The following VRK2 variants were observed in gnomAD, a reference collection of about 807,000 sequenced individuals.
The protein encoded by VRK2 is serine/threonine-protein kinase VRK2.
In VRK2, 60 loss-of-function variants were observed where a neutral mutation model predicts 57.6. That is an observed-to-expected ratio of 1.04 (90% CI 0.85 to 1.29). The LOEUF is 1.29. Ranked by LOEUF, VRK2 falls within the 50% of genes most tolerant of loss-of-function variation. The pLI is 0.00. For synonymous variants in VRK2, 231 were observed against 199.2 expected (o/e 1.16, Z -1.35); for missense variants, 705 against 588.1 (o/e 1.20, Z -2.06).
Position 58,086,441 on chromosome 2 carries a change from T to C in VRK2, c.344+15T>C. On this transcript the variant is annotated intron_variant, in intron 5 of 12. Coordinates refer to ENST00000340157, the MANE Select transcript of VRK2 (RefSeq NM_006296.7). ...AAGGGAAGAAGGTAAAATGGAATTATTATAATCAAATATTTCTTTATAACT... is the reference window on the plus strand; with the variant it reads ...AAGGGAAGAAGGTAAAATGGAATTACTATAATCAAATATTTCTTTATAACT... The C allele has an allele frequency of 6.4e-7, 1 of 1,561,212 alleles. No homozygotes were observed. Among genetic ancestry groups the C allele is most frequent in the Non-Finnish European group, 8.6e-7 (1 of 1,156,272 alleles).
chr2:58,155,587 A>G (rs1162791056), intron 12 of VRK2, among the ~76,000 whole-genome samples: 3 of 152,096 alleles, frequency 2.0e-5, no homozygotes, highest in Non-Finnish European at 2.9e-5. Flanking sequence ...CCAGTGGGAT[A>G]GGGTATCACC....
intron 1 of VRK2, among the ~76,000 whole-genome samples, chr2:57,928,925 T>C (rs925281115): frequency 5.3e-5 from 8 of 152,218 alleles, no homozygotes; most frequent in African/African-American, 1.9e-4. Context: ...TCTTTCTCCA[T>C]GTTAAGCTTC....
intron 1 of VRK2, among the ~76,000 whole-genome samples, chr2:57,944,197 T>G (rs1213768712): frequency 6.6e-6 from 1 of 152,236 alleles, no homozygotes; most frequent in African/African-American, 2.4e-5. Flanking sequence ...TTTGGAGGCG[T>G]GTACAGCTAC....
At chr2:58,073,636 T>C (rs1449296703) in intron 2 of VRK2, among the ~76,000 whole-genome samples, 3 of 116,912 alleles carry the variant, frequency 2.6e-5, no homozygotes, top group Non-Finnish European at 5.2e-5. Context: ...ACTAATAGGA[T>C]TATATATATA....
intron 7 of VRK2, among the ~76,000 whole-genome samples, chr2:58,120,184 CTTTTTTTTTTTTTTT>C (rs397868874): frequency 1.3e-4 from 7 of 51,990 alleles, no homozygotes; most frequent in East Asian, 5.7e-4. Flanking sequence ...TTTTTCTTTT[CTTTTTTTTTTTTTTT>C]TTTTTTTTTG....
chr2:58,097,585 A>G (rs1406962244), intron 7 of VRK2, among the ~76,000 whole-genome samples: 1 of 152,148 alleles, frequency 6.6e-6, no homozygotes, highest in Non-Finnish European at 1.5e-5. Flanking sequence ...GTCATGTACC[A>G]TATTATGATG....
intron 1 of VRK2, among the ~76,000 whole-genome samples, chr2:58,006,372 C>T (rs1673244937): frequency 6.6e-6 from 1 of 152,056 alleles, no homozygotes; most frequent in South Asian, 2.1e-4. Flanking sequence ...GCCAGACATG[C>T]CTTGGTTTGA....
intron 2 of VRK2, among the ~76,000 whole-genome samples, chr2:58,073,648 A>ATATATATT (rs1027407065): frequency 2.4e-4 from 34 of 142,230 alleles, no homozygotes; most frequent in African/African-American, 6.4e-4. Flanking sequence ...ATATATATAT[A>ATATATATT]TATATTTATA....
At chr2:58,002,476 C>T (rs1324101551) in intron 1 of VRK2, among the ~76,000 whole-genome samples, 2 of 144,894 alleles carry the variant, frequency 1.4e-5, no homozygotes, top group African/African-American at 2.5e-5. Context: ...ATTCCATCTC[C>T]AAAAAAAAAA....
intron 1 of VRK2, 41 bp downstream of exon 1, chr2:58,046,909 C>T (rs941804728): frequency 7.1e-6 from 7 of 985,404 alleles, no homozygotes; most frequent in Non-Finnish European, 8.4e-6. Context: ...CGGGCGGCAC[C>T]TCCGCTTGCA....
At chr2:58,078,450 C>T (rs1470813839) in intron 2 of VRK2, among the ~76,000 whole-genome samples, 1 of 152,088 alleles carries the variant, frequency 6.6e-6, no homozygotes, top group African/African-American at 2.4e-5. Flanking sequence ...TGTAATGCTG[C>T]TATGAGCATG....
chr2:57,987,296 C>T (rs1452606465), intron 1 of VRK2, among the ~76,000 whole-genome samples: 1 of 152,060 alleles, frequency 6.6e-6, no homozygotes, highest in African/African-American at 2.4e-5. Flanking sequence ...ATATAAACAA[C>T]TCTCAAAACT....
intron 1 of VRK2, among the ~76,000 whole-genome samples, chr2:57,938,725 A>C (rs1314108314): frequency 6.6e-6 from 1 of 152,114 alleles, no homozygotes; most frequent in Non-Finnish European, 1.5e-5. Context: ...ACATATCTAC[A>C]TTCAAGCAAA....
intron 7 of VRK2, among the ~76,000 whole-genome samples, chr2:58,116,659 C>T (rs574136637): frequency 6.6e-6 from 1 of 152,278 alleles, no homozygotes; most frequent in South Asian, 2.1e-4. Context: ...TATGGGGCTT[C>T]CGAGGCAATC....
upstream of VRK2, among the ~76,000 whole-genome samples, chr2:58,044,227 T>A (rs1473417584): frequency 3.9e-5 from 6 of 152,230 alleles, no homozygotes; most frequent in Non-Finnish European, 8.8e-5. Flanking sequence ...TTCCCATCTT[T>A]GTGGTCACAC....
chr2:58,053,918 T>C (rs1453922903), intron 2 of VRK2, among the ~76,000 whole-genome samples: 4 of 152,168 alleles, frequency 2.6e-5, no homozygotes, highest in Non-Finnish European at 5.9e-5. Context: ...ATAGTGTTTA[T>C]GATAAATTAG....
At chr2:57,980,551 CATTTGGTCAAATATCAA>C (rs1672390902) in intron 1 of VRK2, among the ~76,000 whole-genome samples, 1 of 152,188 alleles carries the variant, frequency 6.6e-6, no homozygotes, top group Admixed American at 6.5e-5. Context: ...CTCTCAGGGT[CATTTGGTCAAATATCAA>C]ATTTCGGTAC....
chr2:58,159,171 ACT>A, intron 12 of VRK2, 176 bp from the exon 13 acceptor site: 1 of 493,600 alleles, frequency 2.0e-6, no homozygotes, highest in Non-Finnish European at 3.5e-6. Flanking sequence ...ATGTTTATAA[ACT>A]CTTAAAAAGT....
At chr2:57,973,129 T>C (rs972811687) in intron 1 of VRK2, among the ~76,000 whole-genome samples, 3 of 151,928 alleles carry the variant, frequency 2.0e-5, no homozygotes, top group African/African-American at 7.2e-5. Flanking sequence ...CCATTTTGTA[T>C]TATCACCAGC....
Sources: allele counts gnomAD v4.1 joint callset (sites outside exome capture counted in the v4.1 genomes callset), GRCh38; gene constraint gnomAD v4.1.1; transcripts MANE v1.5; gene names NCBI Gene and HGNC (gene_info 2026-07-23, HGNC 2026-07-21).